TTN: variants seen among roughly 807,000 people sequenced by gnomAD.
TTN encodes the protein connectin.
A neutral mutation model predicts 3,223.0 loss-of-function variants in TTN; 1,525 were observed. The observed-to-expected ratio is 0.47, with a 90% confidence interval of 0.45 to 0.49. The LOEUF is 0.49. Among genes scored for constraint, TTN ranks in the 20% least tolerant of loss-of-function variants. The pLI is 0.00. For synonymous variants in TTN, 14,094 were observed against 15,161.0 expected (o/e 0.93, Z 5.17); for missense variants, 40,786 against 43,424.0 (o/e 0.94, Z 5.40).
chr2:178,551,498 T>C, intron 335 of TTN, 132 bp downstream of exon 335: 2 of 849,236 alleles, frequency 2.4e-6, no homozygotes, highest in Non-Finnish European at 3.4e-6. Context: ...TCCTCTTGCT[T>C]TACATGACCA....
Position 178,789,493 on chromosome 2 carries a change from C to G in TTN, c.1943G>C (p.Arg648Thr), listed in dbSNP as rs550441902. Residue 648 changes from arginine (R) to threonine (T), a missense_variant, in exon 13 of 363, where the codon AGA (arginine) becomes ACA (threonine). Physicochemically the swap from Arg to Thr is moderately conservative, Grantham distance 71 (BLOSUM62 -1). Coordinates refer to ENST00000589042, the MANE Select transcript of TTN (RefSeq NM_001267550.2). ...EQVQITQEKMRKEAEKTALST... is the reference protein window; with the variant it reads ...EQVQITQEKMTKEAEKTALST... The stretch of plus-strand genomic sequence containing the variant: ...CAAGGCAGTTTTCTCGGCTTCCTTT[C>G]TCATCTGATTATTACAGTAAAATCA... 7.7e-5 allele frequency: 125 copies of G among 1,613,214 alleles called. No individual in the cohort carries two copies. Among genetic ancestry groups the G allele is most frequent in the Admixed American group, 1.2e-4 (7 of 59,996 alleles).
At position 178,594,253 on chromosome 2, in the gene TTN, T is replaced by C; in HGVS notation, c.58151-11A>G. 6.2e-7 allele frequency: 1 copy of C among 1,601,094 alleles called. No homozygotes were observed. Among genetic ancestry groups the C allele is most frequent in the East Asian group, 2.2e-5 (1 of 44,616 alleles). On this transcript the variant is annotated splice_polypyrimidine_tract_variant and intron_variant, in intron 296 of 362. Transcript: ENST00000589042. ...GAAGCGTTGGGGGTGCTAAAATTTG[T>C]AATTATAAAGGCAAGTCATTTTTAT...
chr2:178,653,070 G>C lies in TTN; in HGVS notation c.38846C>G (p.Pro12949Arg). 6.2e-7 allele frequency: 1 copy of C among 1,613,310 alleles called. No homozygotes were observed. ...VPEKKVPVTP[P>R]KKPEVPPVKV... Reference sequence around the variant, plus strand: ...AACAGGTGGGACTTCAGGTTTTTTAGGAGGAGTCACTGGCACTTTCTTTTC... The same window carrying C: ...AACAGGTGGGACTTCAGGTTTTTTACGAGGAGTCACTGGCACTTTCTTTTC... The change falls in exon 199 of 363, where the codon CCT becomes CGT. Residue 12949 changes from proline (P) to arginine (R), a missense_variant. Coordinates refer to ENST00000589042, the MANE Select transcript of TTN (RefSeq NM_001267550.2).
At position 178,776,369 on chromosome 2, in the gene TTN, G is replaced by C; in HGVS notation, c.5495C>G (p.Thr1832Arg). The change falls in exon 28 of 363, where the codon ACA (threonine) becomes AGA (arginine). Residue 1832 changes from threonine (T) to arginine (R), a missense_variant. By Grantham distance (71) the Thr-to-Arg change is moderately conservative (BLOSUM62 -1). Coordinates refer to ENST00000589042, the MANE Select transcript of TTN (RefSeq NM_001267550.2). ...MAHEGALTGVTTDQKEKQKPD... is the reference protein window; with the variant it reads ...MAHEGALTGVRTDQKEKQKPD... ...CTTTTGCTTTTCTTTCTGATCTGTT[G>C]TTACACCTGTAAGTGCACCTTCATG... 1.2e-6 allele frequency: 2 copies of C among 1,613,322 alleles called. No homozygotes were observed. Among genetic ancestry groups the C allele is most frequent in the Non-Finnish European group, 1.7e-6 (2 of 1,179,978 alleles).
chr2:178,678,308 C>T (rs2068555539), intron 144 of TTN, 100 bp from the exon 145 acceptor site: 2 of 1,507,440 alleles, frequency 1.3e-6, no homozygotes, highest in South Asian at 2.5e-5. Context: ...TATTTCTAAC[C>T]AGATAGACAC....
Position 178,724,472 on chromosome 2 carries a change from T to C in TTN, c.20903A>G (p.Glu6968Gly). 6.2e-7 allele frequency: 1 copy of C among 1,613,114 alleles called. No individual in the cohort carries two copies. Among genetic ancestry groups the C allele is most frequent in the South Asian group, 1.1e-5 (1 of 91,026 alleles). The change falls in exon 72 of 363, where the codon GAG becomes GGG. Residue 6968 changes from glutamate (E) to glycine (G), a missense_variant. Transcript: ENST00000589042. ...TTCCGGAGTGCCAGCCACCTTACAC[T>C]CCAGAGTGCACGTTTCTCCTACAGT... ...TVTVGETCTL[E>G]CKVAGTPELS...
chr2:178,783,627 G>T, intron 17 of TTN, 93 bp downstream of exon 17: 2 of 1,138,136 alleles, frequency 1.8e-6, no homozygotes, highest in South Asian at 1.3e-5. Context: ...TGTCATTTTT[G>T]TATTAATTTG....
intron 3 of TTN, among the ~76,000 whole-genome samples, chr2:178,801,699 T>C (rs2094072659): frequency 1.3e-5 from 2 of 152,162 alleles, no homozygotes; most frequent in Admixed American, 6.5e-5. Flanking sequence ...TTCTTCTGGG[T>C]ATGTTTACAT....
At chr2:178,600,802 C>G (rs1269973877) in intron 288 of TTN, 52 bp downstream of exon 288, 5 of 1,604,644 alleles carry the variant, frequency 3.1e-6, no homozygotes, top group Non-Finnish European at 3.4e-6. Context: ...TATTGAACAC[C>G]TAGGAAGGCA....
In TTN at chr2:178,776,986, G is replaced by A; in HGVS notation, c.4878C>T (p.Ala1626=). The change falls in exon 28 of 363, where the codon GCC becomes GCT. Residue 1626 remains alanine (A), a synonymous_variant. Coordinates refer to ENST00000589042, the MANE Select transcript of TTN (RefSeq NM_001267550.2). ...KIDSTVSQDS[A]WYTATAINKA... The stretch of plus-strand genomic sequence containing the variant: ...TATTAATAGCAGTCGCAGTATACCA[G>A]GCAGAATCTTGGCTGACAGTGGAAT... The A allele has an allele frequency of 6.2e-7, 1 of 1,614,018 alleles. No homozygotes were observed.
rs573337231 is a variant in TTN, at chr2:178,678,106, C to G, written c.33994+19G>C. 1.9e-5 allele frequency: 31 copies of G among 1,603,280 alleles called. No homozygotes were observed. The highest frequency in any genetic ancestry group is 2.5e-5 in the Non-Finnish European group (29 of 1,176,872). ...GTTAGTTTTGTCTTTTACCATGGCT[C>G]TGTTACAGATTAATGTACCTTTGGG... On this transcript the variant is annotated intron_variant, in intron 145 of 362. Coordinates refer to ENST00000589042, the MANE Select transcript of TTN (RefSeq NM_001267550.2).
At position 178,607,754 on chromosome 2, in the gene TTN, T is replaced by A. The variant is rs746163126; in HGVS notation, c.53002+31A>T. On this transcript the variant is annotated intron_variant, in intron 276 of 362. Coordinates refer to ENST00000589042, the MANE Select transcript of TTN (RefSeq NM_001267550.2). ...AAAATAGTCCCATATAGAGAAAATATCCATAATTTTATTCCAATAACGTTA... is the reference window on the plus strand; with the variant it reads ...AAAATAGTCCCATATAGAGAAAATAACCATAATTTTATTCCAATAACGTTA... 3.7e-6 allele frequency: 6 copies of A among 1,612,074 alleles called. No homozygotes were observed. The Admixed American group carries it at 1.0e-4, about 27-fold the overall frequency.
Position 178,529,021 on chromosome 2 carries a change from T to C in TTN, c.106730A>G (p.Lys35577Arg). ...ASKVLISEEV[K>R]KSAATSLEKS... ...TTCCAGGGAGGTTGCTGCTGATTTC[T>C]TGACTTCTTCAGAAATCAGAACCTT... Residue 35577 changes from lysine (K) to arginine (R), a missense_variant, in exon 360 of 363, where the codon AAG (lysine) becomes AGG (arginine). Physicochemically the swap from Lys to Arg is conservative, Grantham distance 26. Coordinates refer to ENST00000589042, the MANE Select transcript of TTN (RefSeq NM_001267550.2). The C allele has an allele frequency of 6.2e-7, 1 of 1,614,034 alleles. No homozygotes were observed. The highest frequency in any genetic ancestry group is 8.5e-7 in the Non-Finnish European group (1 of 1,179,888).
At chr2:178,609,622 C>T in intron 272 of TTN, 52 bp from the exon 273 acceptor site, 1 of 1,552,128 alleles carries the variant, frequency 6.4e-7, no homozygotes, top group Non-Finnish European at 8.7e-7. Flanking sequence ...AAATAACTGA[C>T]AAAACATTAT....
Position 178,769,728 on chromosome 2 carries a change from G to A in TTN, c.8853C>T (p.Tyr2951=), listed in dbSNP as rs1574558551. ...MNTSTEDSAE[Y]TFVCGNDQVS... ...CTTGGTCATTGCCACAGACAAATGT[G>A]TATTCTGCCGAGTCCTCTGTGCTGG... Residue 2951 remains tyrosine, a synonymous_variant, in exon 37 of 363, where the codon TAC becomes TAT. Transcript: ENST00000589042. 6.2e-7 allele frequency: 1 copy of A among 1,613,796 alleles called. No individual in the cohort carries two copies. The highest frequency in any genetic ancestry group is 8.5e-7 in the Non-Finnish European group (1 of 1,179,876).
chr2:178,617,372 T>C lies in TTN; in HGVS notation c.47713A>G (p.Asn15905Asp). ...AGTTTCATATTGCAACGAATCCAAT[T>C]ATCTTTTCCTTCTTCGCATCGCTCA... ...IIERCEEGKD[N>D]WIRCNMKLVP... Residue 15905 changes from asparagine to aspartate, a missense_variant, in exon 254 of 363, where the codon AAT becomes GAT. Asn to Asp is a conservative substitution (Grantham distance 23, BLOSUM62 1). Transcript: ENST00000589042. 1.3e-6 allele frequency: 2 copies of C among 1,586,542 alleles called. No homozygotes were observed. The highest frequency in any genetic ancestry group is 1.7e-6 in the Non-Finnish European group (2 of 1,169,730).
rs770287129 is a variant in TTN, at chr2:178,784,166, T to G, written c.2679A>C (p.Glu893Asp). 6 of 1,614,162 alleles carry G rather than the reference T, an allele frequency of 3.7e-6. No individual in the cohort carries two copies. In the South Asian group the frequency reaches 6.6e-5, roughly 18 times the overall value. The change falls in exon 16 of 363, where the codon GAA (glutamate) becomes GAC (aspartate). Residue 893 changes from glutamate (E) to aspartate (D), a missense_variant. Physicochemically the swap from Glu to Asp is conservative, Grantham distance 45. Transcript: ENST00000589042. ...CTTCCTTTTTCACCTCAACGCCAGC[T>G]TCACTCTTGTAAGTATCTGGTGTGT... is the stretch of plus-strand genomic sequence containing the variant. Reference protein sequence around the residue: ...FADTPDTYKSEAGVEVKKEVG... With the variant: ...FADTPDTYKSDAGVEVKKEVG...
In TTN at chr2:178,718,467, T is replaced by C. The variant is rs397517510; in HGVS notation, c.24639A>G (p.Gln8213=). The stretch of plus-strand genomic sequence containing the variant: ...TCATAGTAATACTGCATCTCTCAGA[T>C]TGTGAAATAAGATACTCGTCCTTTA... The part of the protein sequence containing the change: ...SWIKDEYLIS[Q]SERCSITMTE... Residue 8213 remains glutamine, a synonymous_variant, in exon 85 of 363, where the codon CAA becomes CAG. Coordinates refer to ENST00000589042, the MANE Select transcript of TTN (RefSeq NM_001267550.2). 4.3e-6 allele frequency: 7 copies of C among 1,613,608 alleles called. No homozygotes were observed. Among genetic ancestry groups the C allele is most frequent in the African/African-American group, 2.7e-5 (2 of 74,906 alleles).
Position 178,771,366 on chromosome 2 carries a change from C to T in TTN, c.7961G>A (p.Arg2654Lys), listed in dbSNP as rs147207100. Residue 2654 changes from arginine (R) to lysine (K), a missense_variant, in exon 34 of 363, where the codon AGG becomes AAG. Physicochemically the swap from Arg to Lys is conservative, Grantham distance 26. Coordinates refer to ENST00000589042, the MANE Select transcript of TTN (RefSeq NM_001267550.2). ...ANPDSKGEWL[R>K]DGKHLPLTNN... ...AGTCAGTGGTAGGTGTTTGCCATCC[C>T]TCAACCATTCGCCTTTGGAATCTGG... The T allele has an allele frequency of 1.9e-4, 305 of 1,613,994 alleles. No homozygotes were observed. The African/African-American group carries it at 3.7e-3, about 20-fold the overall frequency.
Sources: gnomAD v4.1 joint callset for allele counts (sites outside exome capture counted in the v4.1 genomes callset) on GRCh38, gnomAD v4.1.1 for gene constraint, MANE v1.5 for transcripts, NCBI Gene and HGNC (gene_info 2026-07-23, HGNC 2026-07-21) for gene names.